The following CMTM4 variants were observed in gnomAD, a reference collection of about 807,000 sequenced individuals.
CMTM4 encodes CKLF like MARVEL transmembrane domain containing 4.
A neutral mutation model predicts 19.0 loss-of-function variants in CMTM4; 8 were observed. The ratio of observed to expected loss-of-function variants is 0.42; its 90% CI spans 0.25 to 0.76. The LOEUF (loss-of-function observed/expected upper bound fraction) is 0.76. CMTM4 is among the 30% of genes least tolerant of loss of function. CMTM4 has a pLI of 0.27. For missense variants in CMTM4, 228 were observed against 290.2 expected, an observed-to-expected ratio of 0.79 and a Z score of 1.56; for synonymous variants, 106 against 121.1, an observed-to-expected ratio of 0.88 and a Z score of 0.82.
intron 1 of CMTM4, among the ~76,000 whole-genome samples, chr16:66,647,798 G>A (rs975319050): frequency 1.3e-5 from 2 of 151,252 alleles, no homozygotes; most frequent in African/African-American, 4.9e-5. Context: ...AGCCTCCCGA[G>A]TAGCTGGGAT....
rs1340036376 is a variant in CMTM4, at chr16:66,683,135, ATATATATATATG to A, written c.186+13193_186+13204del. On this transcript the variant is annotated intron_variant, in intron 1 of 3. Transcript: ENST00000394106. Reference sequence around the variant, plus strand: ...TGTGTGTGTGTGTGTGTGTGTATATATATATATATATGTATATATATATACGTATATATATAT... The same window carrying A: ...TGTGTGTGTGTGTGTGTGTGTATATATATATATATATACGTATATATATAT... Among the ~76,000 whole-genome samples the A allele has an allele frequency of 9.1e-3, 1,228 of 135,528 alleles. 16 individuals are homozygous for A. The highest frequency in any genetic ancestry group is 0.014 in the Non-Finnish European group (919 of 64,994). 88.9% of individuals were successfully genotyped at this position (135,528 alleles called of 152,430 possible).
intron 1 of CMTM4, among the ~76,000 whole-genome samples, chr16:66,644,336 T>C (rs1025203185): frequency 1.3e-5 from 2 of 152,226 alleles, no homozygotes; most frequent in Admixed American, 6.5e-5. Context: ...CAACCTAAAA[T>C]CTGAACTGCA....
rs71378405 is a variant in CMTM4 at position 66,683,194 on chromosome 16, CATATAT to C, written c.186+13140_186+13145del. 3.4e-4 allele frequency among the ~76,000 whole-genome samples: 37 copies of C among 107,676 alleles called. 1 individual carries two copies. Among genetic ancestry groups the C allele is most frequent in the Admixed American group, 7.4e-4 (7 of 9,428 alleles). 70.6% of individuals were successfully genotyped at this position (107,676 alleles called of 152,430 possible). ...ATATATACATATGTATATATATATA[CATATAT>C]ATATATATATAAATTTTCCCCATGG... On this transcript the variant is annotated intron_variant, in intron 1 of 3. Coordinates refer to ENST00000394106, the MANE Select transcript of CMTM4 (RefSeq NM_181521.3).
At chr16:66,605,024 C>T in the CMTM4 span, 9 of 1,310,842 alleles carry the variant, frequency 6.9e-6, no homozygotes, top group East Asian at 9.6e-5. The surrounding 1 kb of genome is among the most constrained non-coding windows in gnomAD (Gnocchi z 4.6). Flanking sequence ...CGTCGGGGCG[C>T]GGGTGGGGTC....
chr16:66,689,286 GC>G (rs1331240085), intron 1 of CMTM4, among the ~76,000 whole-genome samples: 3 of 152,090 alleles, frequency 2.0e-5, no homozygotes, highest in Non-Finnish European at 4.4e-5. Flanking sequence ...TTTTGTAGAT[GC>G]CCTTTTTCAG....
chr16:66,649,164 G>A (rs1003945888), intron 1 of CMTM4, among the ~76,000 whole-genome samples: 1 of 152,140 alleles, frequency 6.6e-6, no homozygotes, highest in Non-Finnish European at 1.5e-5. Context: ...CTATGATCAT[G>A]GCTGTGTAAT....
rs534823912 is a variant in CMTM4, at chr16:66,622,821, G to A, written c.462+583C>T. ...TTTTAATTATTAAGACTTACAAATC[G>A]CCTGAGTGGCACCTGGGAGAGCAGT... On this transcript the variant is annotated intron_variant, in intron 3 of 3. Transcript: ENST00000394106. The surrounding 1 kb of genome is among the most constrained non-coding windows in gnomAD (Gnocchi z 4.0). Among the ~76,000 whole-genome samples the A allele has an allele frequency of 6.5e-4, 99 of 152,238 alleles. No homozygotes were observed. The highest frequency in any genetic ancestry group is 2.3e-3 in the African/African-American group (95 of 41,528).
intron 1 of CMTM4, among the ~76,000 whole-genome samples, chr16:66,636,972 T>C (rs2016004570): frequency 6.6e-6 from 1 of 152,192 alleles, no homozygotes; most frequent in Non-Finnish European, 1.5e-5. Flanking sequence ...TCATGGTCTC[T>C]ACCACAATTA....
intron 1 of CMTM4, among the ~76,000 whole-genome samples, chr16:66,668,456 T>C (rs1226071745): frequency 6.6e-6 from 1 of 152,200 alleles, no homozygotes; most frequent in Non-Finnish European, 1.5e-5. Flanking sequence ...GTTTTTGCTT[T>C]TTCTTTACTA....
chr16:66,604,878 C>G, the CMTM4 span: 2 of 1,425,404 alleles, frequency 1.4e-6, no homozygotes, highest in Non-Finnish European at 1.8e-6. Context: ...CCCCGCGGTC[C>G]CCGGGCTCCG....
At chr16:66,613,184 G>GA (rs560216807), downstream of CMTM4, 226 of 700,198 alleles carry the variant, frequency 3.2e-4, 1 homozygote, top group East Asian at 5.9e-3. Context: ...GAAGCAGGGA[G>GA]AAATTGACCT....
At chr16:66,668,338 T>G (rs932251742) in intron 1 of CMTM4, among the ~76,000 whole-genome samples, 12 of 152,154 alleles carry the variant, frequency 7.9e-5, no homozygotes, top group Non-Finnish European at 1.5e-4. Flanking sequence ...TATGCTTGAT[T>G]CTATACAAAC....
intron 2 of CMTM4, among the ~76,000 whole-genome samples, chr16:66,634,803 G>T (rs1226035786): frequency 6.6e-6 from 1 of 151,964 alleles, no homozygotes; most frequent in African/African-American, 2.4e-5. Context: ...CACTTTACCA[G>T]TGCTGACACT....
In CMTM4 at chr16:66,676,986, A is replaced by G. The variant is rs190714306; in HGVS notation, c.186+19354T>C. ...CAGTGACAGCCAGGTGTGGTGGCTC[A>G]TGCCTGTAATCCCAGTACTTTGGGG... On this transcript the variant is annotated intron_variant, in intron 1 of 3. Transcript: ENST00000394106. Among the ~76,000 whole-genome samples, 417 of 152,326 alleles carry G rather than the reference A, an allele frequency of 2.7e-3. 1 individual carries two copies. The highest frequency in any genetic ancestry group is 9.7e-3 in the African/African-American group (404 of 41,574).
At position 66,696,307 on chromosome 16, in the gene CMTM4, C is replaced by T; in HGVS notation, c.186+33G>A. On this transcript the variant is annotated intron_variant, in intron 1 of 3. Transcript: ENST00000394106. This position sits in a 1 kb window ranked among gnomAD's most constrained non-coding sequence, Gnocchi z 4.3. The stretch of plus-strand genomic sequence containing the variant: ...GGAGGGAGGCGTGCGGCTAGGCCGC[C>T]CTCGGGCACCTGGGGCCCCGCCCGG... 7.7e-7 allele frequency: 1 copy of T among 1,293,018 alleles called. No individual in the cohort carries two copies. Among genetic ancestry groups the T allele is most frequent in the South Asian group, 2.1e-5 (1 of 46,792 alleles). The allele number at this position is 1,293,018 out of a possible 1,614,324, so 80.1% of individuals were successfully genotyped here. A position where few individuals can be genotyped will look rare whatever the true frequency, so the allele number is the denominator to read the frequency against.
At position 66,619,996 on chromosome 16, in the gene CMTM4, T is replaced by C. The variant is rs1187989905; in HGVS notation, c.*2062A>G. 4 of 985,242 alleles carry C rather than the reference T, an allele frequency of 4.1e-6. No individual in the cohort carries two copies. Among genetic ancestry groups the C allele is most frequent in the Non-Finnish European group, 4.8e-6 (4 of 829,918 alleles). The allele number at this position is 985,242 out of a possible 1,614,324, so 61.0% of individuals were successfully genotyped here. ...TCAGGAGGCCAACCACCTGCCCCCC[T>C]CTTTCACCAGATGATCAAGTGGTTT... On this transcript the variant is annotated 3_prime_UTR_variant, in exon 4 of 4. Coordinates refer to ENST00000394106, the MANE Select transcript of CMTM4 (RefSeq NM_181521.3).
At chr16:66,603,651 G>T in the CMTM4 span, among the ~76,000 whole-genome samples, 1 of 152,182 alleles carries the variant, frequency 6.6e-6, no homozygotes, top group African/African-American at 2.4e-5. Flanking sequence ...AATATAAAAT[G>T]AAGTCTTTTT....
In CMTM4 at chr16:66,617,654, T is replaced by G. The variant is rs1247986275; in HGVS notation, c.*4404A>C. The G allele has an allele frequency of 8.9e-7, 1 of 1,126,492 alleles. No homozygotes were observed. The highest frequency in any genetic ancestry group is 1.1e-6 in the Non-Finnish European group (1 of 915,012). The allele number at this position is 1,126,492 out of a possible 1,614,324, so 69.8% of individuals were successfully genotyped here. A position where few individuals can be genotyped will look rare whatever the true frequency, so the allele number is the denominator to read the frequency against. The stretch of plus-strand genomic sequence containing the variant: ...TCTCAACCAGACAGTTCTTGTGACT[T>G]GAATGATATCTGCTGAGAAGAGAAG... On this transcript the variant is annotated 3_prime_UTR_variant, in exon 4 of 4. Coordinates refer to ENST00000394106, the MANE Select transcript of CMTM4 (RefSeq NM_181521.3).
chr16:66,604,462 C>A, the CMTM4 span: 1 of 199,550 alleles, frequency 5.0e-6, no homozygotes, highest in Non-Finnish European at 1.0e-5. Context: ...ATAGACAGCC[C>A]TTCTGGATAG....
Sources: gnomAD v4.1 joint callset for allele counts (sites outside exome capture counted in the v4.1 genomes callset) on GRCh38, gnomAD v4.1.1 for gene constraint, Gnocchi (gnomAD v3.1) non-coding constraint, MANE v1.5 for transcripts, NCBI Gene and HGNC (gene_info 2026-07-23, HGNC 2026-07-21) for gene names.